FNBP1: variants seen among roughly 807,000 people sequenced by gnomAD.
The protein encoded by FNBP1 is formin binding protein 1.
Under a neutral mutation model 90.6 loss-of-function variants are expected in FNBP1, and 26 were observed. The ratio of observed to expected loss-of-function variants is 0.29; its 90% CI spans 0.21 to 0.40. The LOEUF (loss-of-function observed/expected upper bound fraction) is 0.40. FNBP1 is among the 10% of genes least tolerant of loss of function. FNBP1 has a pLI of 1.00. For synonymous variants in FNBP1, 260 were observed against 265.2 expected, an observed-to-expected ratio of 0.98 and a Z score of 0.19; for missense variants, 635 against 768.0, an observed-to-expected ratio of 0.83 and a Z score of 2.05.
In FNBP1 at chr9:129,889,721, A is replaced by AGGGACAGGAAAGTGATGGGG. The variant is rs2034949738; in HGVS notation, c.*798_*817dup. 4.3e-6 allele frequency: 1 copy of AGGGACAGGAAAGTGATGGGG among 232,032 alleles called. No homozygotes were observed. The highest frequency in any genetic ancestry group is 2.2e-5 in the African/African-American group (1 of 45,242). 14.4% of individuals were successfully genotyped at this position (232,032 alleles called of 1,614,324 possible). On this transcript the variant is annotated 3_prime_UTR_variant, in exon 17 of 17. Coordinates refer to ENST00000446176, the MANE Select transcript of FNBP1 (RefSeq NM_015033.3). The stretch of plus-strand genomic sequence containing the variant: ...CACAAGCGCATGATCTACAGTTCTC[A>AGGGACAGGAAAGTGATGGGG]GGGACAGGAAAGTGATGGGGAGGAC...
intron 1 of FNBP1, among the ~76,000 whole-genome samples, chr9:130,025,949 GA>G (rs1254224713): frequency 2.2e-4 from 34 of 152,202 alleles, no homozygotes; most frequent in African/African-American, 7.5e-4. Context: ...AGATATCAAT[GA>G]AATATCATGA....
intron 1 of FNBP1, among the ~76,000 whole-genome samples, chr9:130,019,374 T>G (rs1483123338): frequency 6.6e-6 from 1 of 152,122 alleles, no homozygotes; most frequent in Admixed American, 6.6e-5. Flanking sequence ...GCCAAATGAT[T>G]TTTTTTGGAT....
intron 1 of FNBP1, among the ~76,000 whole-genome samples, chr9:130,003,923 C>CAAA (rs545865153): frequency 9.1e-6 from 1 of 110,316 alleles, no homozygotes; most frequent in Non-Finnish European, 1.7e-5. Flanking sequence ...GACTCCGCCT[C>CAAA]AAAAAAAAAA....
intron 1 of FNBP1, among the ~76,000 whole-genome samples, chr9:130,005,488 C>T (rs1425530697): frequency 1.3e-5 from 2 of 151,616 alleles, no homozygotes; most frequent in Non-Finnish European, 2.9e-5. Flanking sequence ...ACTACAGACG[C>T]CCGCCACCAC....
At chr9:129,961,762 T>A (rs1446712021) in intron 4 of FNBP1, among the ~76,000 whole-genome samples, 1 of 152,022 alleles carries the variant, frequency 6.6e-6, no homozygotes, top group Admixed American at 6.6e-5. Context: ...TTTTTTGTAT[T>A]TTTAGTAGAG....
At chr9:129,992,823 A>G (rs2053401176) in intron 2 of FNBP1, among the ~76,000 whole-genome samples, 1 of 148,540 alleles carries the variant, frequency 6.7e-6, no homozygotes, top group Non-Finnish European at 1.5e-5. Flanking sequence ...AAGTGCTGGG[A>G]TTACAGGTAT....
At chr9:130,005,407 T>C (rs915350673) in intron 1 of FNBP1, among the ~76,000 whole-genome samples, 1 of 148,002 alleles carries the variant, frequency 6.8e-6, no homozygotes, top group Admixed American at 6.8e-5. Context: ...AGTGGTGCGA[T>C]CTCAGCTCAC....
At chr9:129,912,492 G>A (rs547671038) in intron 11 of FNBP1, among the ~76,000 whole-genome samples, 137 of 151,370 alleles carry the variant, frequency 9.1e-4, no homozygotes, top group African/African-American at 3.1e-3. Context: ...AGTTTGAGAC[G>A]AGCCTGACCA....
chr9:130,011,243 A>AAAAAG (rs1554854971), intron 1 of FNBP1, among the ~76,000 whole-genome samples: 1 of 42,248 alleles, frequency 2.4e-5, no homozygotes, highest in Non-Finnish European at 4.2e-5. Context: ...AAAAAAAAAA[A>AAAAAG]ATATATATAT....
intron 2 of FNBP1, among the ~76,000 whole-genome samples, chr9:129,985,581 C>T (rs931537421): frequency 5.3e-5 from 8 of 151,972 alleles, no homozygotes; most frequent in East Asian, 1.9e-4. Context: ...TTTGGGAGGC[C>T]GAGGTGGGCA....
chr9:129,929,303 G>A (rs564753114), intron 7 of FNBP1, among the ~76,000 whole-genome samples: 3 of 150,926 alleles, frequency 2.0e-5, no homozygotes, highest in Admixed American at 6.6e-5. Context: ...CCAGCTACTC[G>A]GGAGGCTGAG....
In FNBP1 at chr9:129,957,284, C is replaced by T; in HGVS notation, c.513+76G>A. ...AACTCCTGGCCTCAGGTGATCCGCT[C>T]ACCTCAGCCTCCCAAAGTGCTGGGA... On this transcript the variant is annotated intron_variant, in intron 6 of 16. Transcript: ENST00000446176. This position sits in a 1 kb window ranked among gnomAD's most constrained non-coding sequence, Gnocchi z 4.3. The T allele has an allele frequency of 1.9e-6, 2 of 1,031,152 alleles. No homozygotes were observed. The highest frequency in any genetic ancestry group is 2.6e-5 in the South Asian group (2 of 76,450). 63.9% of individuals were successfully genotyped at this position (1,031,152 alleles called of 1,614,324 possible).
Position 129,938,541 on chromosome 9 carries a change from C to CTTTTT in FNBP1, c.514-8851_514-8847dup, listed in dbSNP as rs77369142. Among the ~76,000 whole-genome samples the CTTTTT allele has an allele frequency of 6.2e-3, 871 of 140,632 alleles. 6 individuals are homozygous for CTTTTT. Among genetic ancestry groups the CTTTTT allele is most frequent in the Middle Eastern group, 0.015 (4 of 268 alleles). The allele number at this position is 140,632 out of a possible 152,430, so 92.3% of individuals were successfully genotyped here. A position where few individuals can be genotyped will look rare whatever the true frequency, so the allele number is the denominator to read the frequency against. On this transcript the variant is annotated intron_variant, in intron 6 of 16. Coordinates refer to ENST00000446176, the MANE Select transcript of FNBP1 (RefSeq NM_015033.3). ...GAACTATTCCAGCAATTTCCTGACT[C>CTTTTT]TTTTTTTTTTTTTTGAAAACAGTCT...
At chr9:129,960,036 G>A (rs2047548925) in intron 4 of FNBP1, among the ~76,000 whole-genome samples, 1 of 152,050 alleles carries the variant, frequency 6.6e-6, no homozygotes, top group Non-Finnish European at 1.5e-5. Flanking sequence ...ATTCCATCAT[G>A]TGGCTATCCC....
intron 6 of FNBP1, among the ~76,000 whole-genome samples, chr9:129,942,783 G>A (rs1003856974): frequency 1.3e-5 from 2 of 151,804 alleles, no homozygotes; most frequent in Admixed American, 1.3e-4. Context: ...GGTTTTTTGA[G>A]GAGTAGGTTC....
Position 129,889,388 on chromosome 9 carries a change from G to A in FNBP1, c.*1151C>T, listed in dbSNP as rs1311933236. 1.1e-5 allele frequency: 2 copies of A among 179,856 alleles called. No individual in the cohort carries two copies. The highest frequency in any genetic ancestry group is 2.4e-5 in the Non-Finnish European group (2 of 84,070). The allele number at this position is 179,856 out of a possible 1,614,324, so 11.1% of individuals were successfully genotyped here. A position where few individuals can be genotyped will look rare whatever the true frequency, so the allele number is the denominator to read the frequency against. Reference sequence around the variant, plus strand: ...AGTTTGAGACCAGCCTGACCAACACGGTGAAACCCTGTCTCTACTAAAAAT... The same window carrying A: ...AGTTTGAGACCAGCCTGACCAACACAGTGAAACCCTGTCTCTACTAAAAAT... On this transcript the variant is annotated 3_prime_UTR_variant, in exon 17 of 17. Transcript: ENST00000446176.
chr9:129,982,769 C>A (rs1006669851), intron 2 of FNBP1, among the ~76,000 whole-genome samples: 1 of 152,142 alleles, frequency 6.6e-6, no homozygotes, highest in Non-Finnish European at 1.5e-5. Flanking sequence ...CCCCAGGGAT[C>A]TTCCCACCTT....
intron 1 of FNBP1, among the ~76,000 whole-genome samples, chr9:130,006,955 C>T (rs1478689999): frequency 3.3e-5 from 5 of 151,924 alleles, no homozygotes; most frequent in East Asian, 1.9e-4. Context: ...ATGTGGAGGC[C>T]GGGTGCGGCG....
At chr9:130,016,467 G>A (rs1279719278) in intron 1 of FNBP1, among the ~76,000 whole-genome samples, 3 of 152,136 alleles carry the variant, frequency 2.0e-5, no homozygotes, top group Admixed American at 2.0e-4. Flanking sequence ...GCTGAGGCCG[G>A]GCATGGGGGC....
Sources: allele counts gnomAD v4.1 joint callset (sites outside exome capture counted in the v4.1 genomes callset), GRCh38; gene constraint gnomAD v4.1.1; non-coding constraint Gnocchi (gnomAD v3.1); transcripts MANE v1.5; gene names NCBI Gene and HGNC (gene_info 2026-07-23, HGNC 2026-07-21).